Variants in CEP135 observed in about 807,000 individuals in gnomAD.
The protein encoded by CEP135 is centrosomal protein of 135 kDa.
CEP135 carries 142 observed loss-of-function variants against 157.3 expected under a neutral mutation model. The ratio of observed to expected loss-of-function variants is 0.90; its 90% CI spans 0.79 to 1.04. CEP135 has a LOEUF of 1.04. Among genes scored for constraint, CEP135 ranks in the 50% least tolerant of loss-of-function variants. CEP135 has a pLI of 0.00. For missense variants in CEP135, 1,317 were observed against 1,309.2 expected, an observed-to-expected ratio of 1.01 and a Z score of -0.09; for synonymous variants, 396 against 439.8, an observed-to-expected ratio of 0.90 and a Z score of 1.25.
rs548156120 is a variant in CEP135, at chr4:56,009,542, T to G, written c.2337-193T>G. ...GAATAACATTTTTTTTTAACTTCAT[T>G]TGCATGTAATTATTGGTAGAGCTCT... On this transcript the variant is annotated intron_variant, in intron 18 of 25. Coordinates refer to ENST00000257287, the MANE Select transcript of CEP135 (RefSeq NM_025009.5). Among the ~76,000 whole-genome samples the G allele has an allele frequency of 5.3e-5, 8 of 152,324 alleles. 1 individual carries two copies. Among genetic ancestry groups the G allele is most frequent in the African/African-American group, 1.9e-4 (8 of 41,584 alleles).
chr4:56,026,987 A>G (rs1376895538), intron 25 of CEP135, among the ~76,000 whole-genome samples: 10 of 152,206 alleles, frequency 6.6e-5, no homozygotes, highest in Non-Finnish European at 1.5e-4. Flanking sequence ...AACATTAGTT[A>G]TGTGCTATTC....
At chr4:55,972,247 G>T (rs1427394882) in intron 10 of CEP135, among the ~76,000 whole-genome samples, 3 of 152,200 alleles carry the variant, frequency 2.0e-5, no homozygotes, top group African/African-American at 4.8e-5. Context: ...GAGTGCTGGG[G>T]TGTATAGTGG....
At chr4:55,975,040 T>G (rs1479672097) in intron 11 of CEP135, 71 bp downstream of exon 11, 1 of 1,104,926 alleles carries the variant, frequency 9.1e-7, no homozygotes, top group Non-Finnish European at 1.3e-6. Context: ...ATTATTATAT[T>G]AAATGTAACT....
chr4:55,976,973 C>CT (rs571817739), intron 11 of CEP135, among the ~76,000 whole-genome samples: 2,222 of 146,296 alleles, frequency 0.015, 25 homozygotes, highest in Middle Eastern at 0.028. Flanking sequence ...CCATGCCTGG[C>CT]TTTTTTTTTT....
At chr4:55,957,176 C>A in intron 4 of CEP135, 47 bp from the exon 5 acceptor site, 1 of 1,593,006 alleles carries the variant, frequency 6.3e-7, no homozygotes, top group Non-Finnish European at 8.6e-7. Context: ...AATTCTAAGA[C>A]ATGGTTTTGT....
chr4:55,971,409 G>C lies in CEP135; in HGVS notation c.1249+1G>C. ...AAAGTTGAAAGTTTTGCAGTTACAG[G>C]TAAGATGTCAAATTTTGATAGCTAA... is the stretch of plus-strand genomic sequence containing the variant. On this transcript the variant is annotated splice_donor_variant, in intron 10 of 25. Coordinates refer to ENST00000257287, the MANE Select transcript of CEP135 (RefSeq NM_025009.5). LOFTEE classifies it high-confidence loss of function. 6.3e-7 allele frequency: 1 copy of C among 1,587,424 alleles called. No homozygotes were observed. Among genetic ancestry groups the C allele is most frequent in the East Asian group, 2.3e-5 (1 of 44,270 alleles).
intron 10 of CEP135, among the ~76,000 whole-genome samples, chr4:55,971,762 A>G (rs1431846752): frequency 6.6e-6 from 1 of 152,222 alleles, no homozygotes; most frequent in Non-Finnish European, 1.5e-5. Context: ...CAGTTATATT[A>G]TCTTAAAATA....
intron 13 of CEP135, among the ~76,000 whole-genome samples, chr4:55,984,280 T>C (rs1470710238): frequency 2.6e-5 from 4 of 152,212 alleles, no homozygotes; most frequent in Admixed American, 2.0e-4. Flanking sequence ...ACATAGACTA[T>C]TGAAAGATTC....
chr4:55,978,257 G>A (rs1229518485), intron 11 of CEP135, among the ~76,000 whole-genome samples: 2 of 152,124 alleles, frequency 1.3e-5, no homozygotes, highest in Non-Finnish European at 2.9e-5. Context: ...GGTTCCTACT[G>A]TGGCCCTCAT....
intron 24 of CEP135, among the ~76,000 whole-genome samples, chr4:56,021,139 A>G (rs1416344654): frequency 6.6e-6 from 1 of 152,220 alleles, no homozygotes; most frequent in Non-Finnish European, 1.5e-5. Flanking sequence ...GAGAAGCAAC[A>G]ACAATCCCTA....
chr4:56,028,500 A>G (rs1016735477), intron 25 of CEP135, among the ~76,000 whole-genome samples: 1 of 152,190 alleles, frequency 6.6e-6, no homozygotes, highest in African/African-American at 2.4e-5. Context: ...TTTGAGGTAT[A>G]TTAATGAGAT....
chr4:55,957,183 T>G, intron 4 of CEP135, 40 bp from the exon 5 acceptor site: 1 of 1,601,056 alleles, frequency 6.2e-7, no homozygotes, highest in South Asian at 1.1e-5. Flanking sequence ...AGACATGGTT[T>G]TGTTTCTTCT....
chr4:55,964,911 C>T (rs984399317), intron 7 of CEP135: 7 of 151,692 alleles, frequency 4.6e-5, no homozygotes, highest in African/African-American at 1.5e-4. Context: ...GATTCCTTTG[C>T]CATGCATTTG....
rs1728537512 is a variant in CEP135 at position 55,957,243 on chromosome 4, G to A, written c.493G>A (p.Ala165Thr). The stretch of plus-strand genomic sequence containing the variant: ...TTTAGGTGGCAAGAAAAGAAGTATT[G>A]CTTTCAGGCGCCAGCGTATGCAAAT... Reference protein sequence around the residue: ...QTPGGKKRSIAFRRQRMQIDE... With the variant: ...QTPGGKKRSITFRRQRMQIDE... The change falls in exon 5 of 26, where the codon GCT becomes ACT. Residue 165 changes from alanine to threonine, a missense_variant. Transcript: ENST00000257287. The A allele has an allele frequency of 1.2e-6, 2 of 1,613,660 alleles. No individual in the cohort carries two copies. Among genetic ancestry groups the A allele is most frequent in the Non-Finnish European group, 8.5e-7 (1 of 1,179,898 alleles).
intron 15 of CEP135, among the ~76,000 whole-genome samples, chr4:55,992,646 A>T (rs755071550): frequency 2.0e-5 from 3 of 152,190 alleles, no homozygotes; most frequent in Non-Finnish European, 2.9e-5. Context: ...ATTGATGGCA[A>T]AAAAAGGAGA....
intron 17 of CEP135, among the ~76,000 whole-genome samples, chr4:56,005,567 G>C (rs763520429): frequency 6.6e-6 from 1 of 152,154 alleles, no homozygotes; most frequent in Non-Finnish European, 1.5e-5. Flanking sequence ...GGTTGCTGTA[G>C]CTATTATTGT....
At chr4:56,023,231 A>AG (rs1441454118) in intron 24 of CEP135, among the ~76,000 whole-genome samples, 3 of 152,092 alleles carry the variant, frequency 2.0e-5, no homozygotes, top group East Asian at 1.9e-4. Flanking sequence ...CAAAAAAAAA[A>AG]AGAGAGAATT....
At chr4:55,960,577 T>C (rs753820127) in intron 6 of CEP135, 3 of 152,170 alleles carry the variant, frequency 2.0e-5, no homozygotes, top group Non-Finnish European at 4.4e-5. Flanking sequence ...AACTTAGGTG[T>C]TGGTATAACT....
intron 13 of CEP135, 84 bp downstream of exon 13, chr4:55,981,463 T>G (rs953086169): frequency 2.3e-6 from 3 of 1,277,924 alleles, no homozygotes; most frequent in Middle Eastern, 2.7e-4. Flanking sequence ...AAGTTACTAT[T>G]GGCCAAATCC....
Sources: gnomAD v4.1 joint callset for allele counts (sites outside exome capture counted in the v4.1 genomes callset) on GRCh38, gnomAD v4.1.1 for gene constraint, MANE v1.5 for transcripts, NCBI Gene and HGNC (gene_info 2026-07-23, HGNC 2026-07-21) for gene names.